The following PPL variants were observed in gnomAD, a reference collection of about 807,000 sequenced individuals.
The protein encoded by PPL is 190 kDa paraneoplastic pemphigus antigen.
A neutral mutation model predicts 194.4 loss-of-function variants in PPL; 198 were observed. The ratio of observed to expected loss-of-function variants is 1.02; its 90% confidence interval spans 0.91 to 1.15. The LOEUF is 1.15. Ranked by LOEUF, PPL falls within the 50% of genes most tolerant of loss-of-function variation. PPL has a pLI of 0.00. For synonymous variants in PPL, 1,220 were observed against 972.4 expected, an observed-to-expected ratio of 1.25 and a Z score of -4.74; for missense variants, 2,885 against 2,294.8, an observed-to-expected ratio of 1.26 and a Z score of -5.25.
In PPL at chr16:4,910,922, C is replaced by G. The variant is rs2088807320; in HGVS notation, c.90G>C (p.Leu30=). The change falls in exon 2 of 22, where the codon CTG becomes CTC. Residue 30 remains leucine, a synonymous_variant. Coordinates refer to ENST00000345988, the MANE Select transcript of PPL (RefSeq NM_002705.5). The stretch of plus-strand genomic sequence containing the variant: ...CGGCATTCTTCTGCAGCTGCTCGAT[C>G]AGCTCCGAGAGCTCCTTGTTAGAGA... ...RSISNKELSE[L]IEQLQKNADQ... The G allele has an allele frequency of 6.2e-7, 1 of 1,613,240 alleles. No homozygotes were observed. The highest frequency in any genetic ancestry group is 8.5e-7 in the Non-Finnish European group (1 of 1,179,998).
Position 4,899,101 on chromosome 16 carries a change from A to G in PPL, c.788T>C (p.Leu263Pro), listed in dbSNP as rs1337564455. The change falls in exon 8 of 22, where the codon CTG (leucine) becomes CCG (proline). Residue 263 changes from leucine to proline, a missense_variant. Leu to Pro is a moderately conservative substitution (Grantham distance 98). Transcript: ENST00000345988. ...RQYENFINRN[L>P]EAKEERINKL... The stretch of plus-strand genomic sequence containing the variant: ...GTTGATTCTCTCCTCTTTGGCCTCC[A>G]GGTTCCGGTTGATGAAATTCTGCAG... 1 of 1,613,334 alleles carries G rather than the reference A, an allele frequency of 6.2e-7. No homozygotes were observed. Among genetic ancestry groups the G allele is most frequent in the South Asian group, 1.1e-5 (1 of 91,064 alleles).
At position 4,889,120 on chromosome 16, in the gene PPL, A is replaced by G. The variant is rs74003542; in HGVS notation, c.2314-59T>C. On this transcript the variant is annotated intron_variant, in intron 18 of 21. Transcript: ENST00000345988. ...AGAAAAAAAATTTAAAAAAGCAACC[A>G]TGGATGCAGTAGCTGGAAATCTCAG... 5.4e-4 allele frequency: 708 copies of G among 1,319,046 alleles called. 3 individuals are homozygous for G. In the African/African-American group the frequency reaches 8.7e-3, roughly 16 times the overall value. 81.7% of individuals were successfully genotyped at this position (1,319,046 alleles called of 1,614,324 possible).
In PPL at chr16:4,933,732, G is replaced by T. The variant is rs550526153; in HGVS notation, c.62+3252C>A. Reference sequence around the variant, plus strand: ...TAACTCCATCTTATCTCTGTGATGTGACTGCCAGCGACTCAAGTGCAGGGA... The same window carrying T: ...TAACTCCATCTTATCTCTGTGATGTTACTGCCAGCGACTCAAGTGCAGGGA... On this transcript the variant is annotated intron_variant, in intron 1 of 21. Coordinates refer to ENST00000345988, the MANE Select transcript of PPL (RefSeq NM_002705.5). Among the ~76,000 whole-genome samples the T allele has an allele frequency of 7.2e-5, 11 of 152,274 alleles. No homozygotes were observed. The East Asian group carries it at 2.1e-3, about 29-fold the overall frequency.
chr16:4,936,945 C>A, intron 1 of PPL, 39 bp downstream of exon 1: 1 of 1,570,604 alleles, frequency 6.4e-7, no homozygotes, highest in Non-Finnish European at 8.6e-7. Context: ...CCCACAGGGG[C>A]AAGAGCGTCC....
At chr16:4,905,310 C>A (rs201441855) in intron 2 of PPL, among the ~76,000 whole-genome samples, 1 of 152,168 alleles carries the variant, frequency 6.6e-6, no homozygotes, top group South Asian at 2.1e-4. Flanking sequence ...GCCTGGAAGA[C>A]GTTATTCAAA....
At chr16:4,926,666 G>A (rs2089159108) in intron 1 of PPL, among the ~76,000 whole-genome samples, 1 of 152,062 alleles carries the variant, frequency 6.6e-6, no homozygotes, top group African/African-American at 2.4e-5. Flanking sequence ...ACGAGGTCAG[G>A]AGATTGAGAC....
intron 1 of PPL, among the ~76,000 whole-genome samples, chr16:4,935,628 G>A (rs2089287052): frequency 6.6e-6 from 1 of 152,152 alleles, no homozygotes; most frequent in Non-Finnish European, 1.5e-5. Flanking sequence ...GCTTGAAAGA[G>A]CCCAAACGGA....
intron 2 of PPL, among the ~76,000 whole-genome samples, chr16:4,905,968 T>C (rs1292491987): frequency 6.6e-6 from 1 of 152,030 alleles, no homozygotes; most frequent in Non-Finnish European, 1.5e-5. Flanking sequence ...GGTAGCTGGG[T>C]GTGATGGCAT....
intron 11 of PPL, 113 bp from the exon 12 acceptor site, chr16:4,894,731 G>T: frequency 7.8e-7 from 1 of 1,274,208 alleles, no homozygotes; most frequent in Non-Finnish European, 1.1e-6. Context: ...CTCATCACTT[G>T]GACCCTCCCC....
At chr16:4,927,819 G>A (rs900942759) in intron 1 of PPL, among the ~76,000 whole-genome samples, 2 of 152,230 alleles carry the variant, frequency 1.3e-5, no homozygotes. Context: ...CTAGGGTTCT[G>A]TGTCAGGTGA....
intron 1 of PPL, among the ~76,000 whole-genome samples, chr16:4,922,584 C>T (rs2089071050): frequency 1.3e-5 from 2 of 152,136 alleles, no homozygotes; most frequent in Non-Finnish European, 2.9e-5. Flanking sequence ...ATCGCTTGAG[C>T]CTGGGAGGCG....
In PPL at chr16:4,884,875, T is replaced by G. The variant is rs1224694678; in HGVS notation, c.3780A>C (p.Arg1260Ser). 2 of 1,613,930 alleles carry G rather than the reference T, an allele frequency of 1.2e-6. No individual in the cohort carries two copies. The highest frequency in any genetic ancestry group is 2.7e-5 in the African/African-American group (2 of 74,854). ...RLREEIVDKT[R>S]LIERCDLEIY... Reference sequence around the variant, plus strand: ...TCTCTAAATCACACCTTTCGATCAGTCTGGTCTTGTCCACGATCTCCTCCC... The same window carrying G: ...TCTCTAAATCACACCTTTCGATCAGGCTGGTCTTGTCCACGATCTCCTCCC... Residue 1260 changes from arginine to serine, a missense_variant, in exon 22 of 22, where the codon AGA (arginine) becomes AGC (serine). By Grantham distance (110) the Arg-to-Ser change is moderately radical. Coordinates refer to ENST00000345988, the MANE Select transcript of PPL (RefSeq NM_002705.5). The surrounding 1 kb of genome is among the most constrained non-coding windows in gnomAD (Gnocchi z 5.7).
At chr16:4,912,900 T>C (rs1051004517) in intron 1 of PPL, among the ~76,000 whole-genome samples, 2 of 152,152 alleles carry the variant, frequency 1.3e-5, no homozygotes, top group African/African-American at 4.8e-5. Flanking sequence ...GATCAGGAGT[T>C]TGAGACCAGC....
In PPL at chr16:4,909,424, C is replaced by CTTTTTTT. The variant is rs199792362; in HGVS notation, c.162+1419_162+1425dup. On this transcript the variant is annotated intron_variant, in intron 2 of 21. Coordinates refer to ENST00000345988, the MANE Select transcript of PPL (RefSeq NM_002705.5). Reference sequence around the variant, plus strand: ...CAGCCTCCCACTCCTCTGGTCCCACCTTTTTTTTTTTTTTTTTTTTTTGAG... The same window carrying CTTTTTTT: ...CAGCCTCCCACTCCTCTGGTCCCACCTTTTTTTTTTTTTTTTTTTTTTTTTTTTTGAG... 1.5e-4 allele frequency among the ~76,000 whole-genome samples: 18 copies of CTTTTTTT among 118,234 alleles called. 1 individual carries two copies. The highest frequency in any genetic ancestry group is 2.4e-4 in the African/African-American group (6 of 25,370). 77.6% of individuals were successfully genotyped at this position (118,234 alleles called of 152,430 possible). A position where few individuals can be genotyped will look rare whatever the true frequency, so the allele number is the denominator to read the frequency against.
intron 2 of PPL, among the ~76,000 whole-genome samples, chr16:4,910,427 C>T (rs1388426340): frequency 6.6e-6 from 1 of 152,194 alleles, no homozygotes; most frequent in Non-Finnish European, 1.5e-5. Context: ...TGGGATGGCT[C>T]ACTTGTCCAA....
intron 1 of PPL, among the ~76,000 whole-genome samples, chr16:4,933,721 C>T (rs537370473): frequency 6.6e-6 from 1 of 152,292 alleles, no homozygotes; most frequent in East Asian, 1.9e-4. Flanking sequence ...TCCATCTTAT[C>T]TCTGTGATGT....
rs1345244743 is a variant in PPL at position 4,913,452 on chromosome 16, A to T, written c.63-2503T>A. Among the ~76,000 whole-genome samples the T allele has an allele frequency of 2.0e-5, 3 of 152,172 alleles. No homozygotes were observed. The East Asian group carries it at 5.8e-4, about 29-fold the overall frequency. ...AATGGAAGTGAGGTTACACTACCAA[A>T]GGACTGTGCATAGAGCCGGGCACAG... On this transcript the variant is annotated intron_variant, in intron 1 of 21. Coordinates refer to ENST00000345988, the MANE Select transcript of PPL (RefSeq NM_002705.5).
chr16:4,916,671 ATTTT>A (rs71139664), intron 1 of PPL, among the ~76,000 whole-genome samples: 1 of 147,650 alleles, frequency 6.8e-6, no homozygotes. Flanking sequence ...TGCCCAGCTA[ATTTT>A]TTTTTTTTTT....
rs751371254 is a variant in PPL at position 4,902,439 on chromosome 16, C to G, written c.405G>C (p.Gln135His). The G allele has an allele frequency of 1.4e-5, 22 of 1,614,010 alleles. 1 individual carries two copies. The South Asian group carries it at 2.2e-4, about 16-fold the overall frequency. The part of the protein sequence containing the change: ...YRLAVKEVDP[Q>H]VNWAALVEEK... ...CCTCCACCAGTGCCGCCCAGTTGAC[C>G]TGTGGATCCACTTCCTTCACCGCCA... is the stretch of plus-strand genomic sequence containing the variant. Residue 135 changes from glutamine to histidine, a missense_variant, in exon 4 of 22, where the codon CAG becomes CAC. Physicochemically the swap from Gln to His is conservative, Grantham distance 24 (BLOSUM62 0). Coordinates refer to ENST00000345988, the MANE Select transcript of PPL (RefSeq NM_002705.5). The surrounding 1 kb of genome is among the most constrained non-coding windows in gnomAD (Gnocchi z 4.0).
Sources: allele counts gnomAD v4.1 joint callset (sites outside exome capture counted in the v4.1 genomes callset), GRCh38; gene constraint gnomAD v4.1.1; non-coding constraint Gnocchi (gnomAD v3.1); transcripts MANE v1.5; gene names NCBI Gene and HGNC (gene_info 2026-07-23, HGNC 2026-07-21).